NEGR1: variants seen among roughly 807,000 people sequenced by gnomAD.
The protein encoded by NEGR1 is IgLON family member 4.
NEGR1 carries 10 observed loss-of-function variants against 40.9 expected under a neutral mutation model. The observed-to-expected ratio is 0.24, with a 90% CI of 0.15 to 0.42. NEGR1 has a LOEUF of 0.42. NEGR1 is among the 10% of genes least tolerant of loss of function. NEGR1 has a pLI of 1.00. For synonymous variants in NEGR1, 185 were observed against 166.8 expected (o/e 1.11, Z -0.84); for missense variants, 352 against 438.9 (o/e 0.80, Z 1.77).
intron 1 of NEGR1, chr1:72,274,804 A>G (rs1655982218): frequency 6.8e-7 from 1 of 1,477,386 alleles, no homozygotes; most frequent in East Asian, 2.3e-5. Context: ...TCGGGTAGAA[A>G]AAGTGGGCCA....
intron 3 of NEGR1, among the ~76,000 whole-genome samples, chr1:71,748,463 A>C (rs1655458541): frequency 6.6e-6 from 1 of 152,126 alleles, no homozygotes; most frequent in Admixed American, 6.6e-5. Context: ...ATATTTTCTT[A>C]GGTTTTAAAC....
intron 6 of NEGR1, among the ~76,000 whole-genome samples, chr1:71,508,764 C>A (rs1647052508): frequency 1.3e-5 from 2 of 152,126 alleles, no homozygotes; most frequent in African/African-American, 4.8e-5. Flanking sequence ...AAGCTGGAGA[C>A]CCTTAAAGAT....
At chr1:71,624,285 A>G (rs1191765832) in intron 4 of NEGR1, among the ~76,000 whole-genome samples, 1 of 151,944 alleles carries the variant, frequency 6.6e-6, no homozygotes, top group East Asian at 1.9e-4. Flanking sequence ...TAGTTATCAT[A>G]TTGGTGCTAG....
chr1:71,495,498 A>T (rs1646956974), intron 6 of NEGR1, among the ~76,000 whole-genome samples: 1 of 151,316 alleles, frequency 6.6e-6, no homozygotes, highest in Admixed American at 6.6e-5. Context: ...AAAAAAGAAA[A>T]CAAGAAAAAT....
chr1:71,932,680 C>G (rs1645866792), intron 2 of NEGR1, among the ~76,000 whole-genome samples: 1 of 152,056 alleles, frequency 6.6e-6, no homozygotes, highest in Non-Finnish European at 1.5e-5. Context: ...TGTTTGACAT[C>G]AGTGATTAAT....
At chr1:71,523,167 G>T (rs527802210) in intron 6 of NEGR1, among the ~76,000 whole-genome samples, 28 of 151,974 alleles carry the variant, frequency 1.8e-4, no homozygotes, top group Admixed American at 1.5e-3. Context: ...GAGCAGGTAA[G>T]TTTGGGTTGT....
At chr1:71,922,967 G>T (rs1245171119) in intron 2 of NEGR1, among the ~76,000 whole-genome samples, 1 of 152,050 alleles carries the variant, frequency 6.6e-6, no homozygotes, top group Non-Finnish European at 1.5e-5. Context: ...TTAAGAAAAA[G>T]AATACTGATC....
At chr1:71,553,409 T>G (rs1017896863) in intron 6 of NEGR1, among the ~76,000 whole-genome samples, 18 of 151,586 alleles carry the variant, frequency 1.2e-4, no homozygotes, top group African/African-American at 4.4e-4. Context: ...CCTTGGTAGT[T>G]ATTTAAAGCA....
At chr1:71,767,708 T>C (rs12752501) in intron 3 of NEGR1, among the ~76,000 whole-genome samples, 146,127 of 152,296 alleles carry the variant, frequency 0.96, 70,374 homozygotes, top group East Asian at 1. Context: ...GAGGAAAAGA[T>C]CTCAAAGGCA....
chr1:72,014,543 T>C (rs1167047972), intron 1 of NEGR1, among the ~76,000 whole-genome samples: 1 of 152,080 alleles, frequency 6.6e-6, no homozygotes, highest in Admixed American at 6.6e-5. Context: ...GTTTGCTAAG[T>C]TATATTAGTC....
At chr1:72,091,698 A>C (rs946062065) in intron 1 of NEGR1, among the ~76,000 whole-genome samples, 1 of 152,150 alleles carries the variant, frequency 6.6e-6, no homozygotes, top group Non-Finnish European at 1.5e-5. Flanking sequence ...TATCTTATTC[A>C]TAAAGAATAA....
chr1:71,664,931 C>T (rs1448471439), intron 4 of NEGR1, among the ~76,000 whole-genome samples: 4 of 152,072 alleles, frequency 2.6e-5, no homozygotes, highest in African/African-American at 4.8e-5. Context: ...TATAAACATA[C>T]ATTTTCTATT....
At chr1:71,834,091 C>T (rs1363129953) in intron 2 of NEGR1, among the ~76,000 whole-genome samples, 2 of 152,040 alleles carry the variant, frequency 1.3e-5, no homozygotes, top group African/African-American at 4.8e-5. Flanking sequence ...ACAATGTTAA[C>T]CAAATAAACT....
intron 1 of NEGR1, among the ~76,000 whole-genome samples, chr1:72,185,896 A>G (rs1488935323): frequency 1.3e-5 from 2 of 151,780 alleles, no homozygotes; most frequent in African/African-American, 4.8e-5. Context: ...CTACACAAAT[A>G]CTATATTCAC....
At chr1:72,083,553 A>G (rs1045713331) in intron 1 of NEGR1, among the ~76,000 whole-genome samples, 62 of 152,114 alleles carry the variant, frequency 4.1e-4, no homozygotes, top group African/African-American at 1.5e-3. Flanking sequence ...AAATAAATGT[A>G]AAAACTAGAT....
chr1:71,977,085 G>A (rs1447938546), intron 1 of NEGR1, among the ~76,000 whole-genome samples: 1 of 152,178 alleles, frequency 6.6e-6, no homozygotes, highest in Non-Finnish European at 1.5e-5. Flanking sequence ...GACTTCGGGA[G>A]GCCGAGGCGG....
chr1:71,716,416 C>T (rs967207600), intron 3 of NEGR1, among the ~76,000 whole-genome samples: 13 of 151,922 alleles, frequency 8.6e-5, no homozygotes, highest in African/African-American at 3.1e-4. Context: ...TTCAATTTTA[C>T]CCCACCAAAT....
intron 4 of NEGR1, among the ~76,000 whole-genome samples, chr1:71,697,254 C>A (rs140291982): frequency 6.6e-6 from 1 of 151,830 alleles, no homozygotes; most frequent in Admixed American, 6.6e-5. Context: ...GGGTAAAATA[C>A]AATTATCCCA....
chr1:71,875,023 T>A (rs771110670), intron 2 of NEGR1, among the ~76,000 whole-genome samples: 6 of 151,998 alleles, frequency 3.9e-5, no homozygotes, highest in Non-Finnish European at 7.4e-5. Context: ...ATTTTTAAAT[T>A]TTTTCTAGAG....
Sources: gnomAD v4.1 joint callset for allele counts (sites outside exome capture counted in the v4.1 genomes callset) on GRCh38, gnomAD v4.1.1 for gene constraint, MANE v1.5 for transcripts, NCBI Gene and HGNC (gene_info 2026-07-23, HGNC 2026-07-21) for gene names.